Variants in GALNT13 observed in about 807,000 individuals in gnomAD.
The protein encoded by GALNT13 is UDP-GalNAc:polypeptide N-acetylgalactosaminyltransferase 13.
GALNT13 carries 28 observed loss-of-function variants against 64.2 expected under a neutral mutation model. The observed-to-expected ratio is 0.44, with a 90% CI of 0.32 to 0.60. The LOEUF (loss-of-function observed/expected upper bound fraction) is 0.60, where lower values mean the gene tolerates loss of function less well. GALNT13 is among the 20% of genes least tolerant of loss of function. The pLI is 0.05. For missense variants in GALNT13, 577 were observed against 669.8 expected (o/e 0.86, Z 1.53); for synonymous variants, 214 against 224.6 (o/e 0.95, Z 0.42).
intron 3 of GALNT13, among the ~76,000 whole-genome samples, chr2:153,971,977 A>G (rs1324125905): frequency 6.6e-6 from 1 of 152,112 alleles, no homozygotes; most frequent in Non-Finnish European, 1.5e-5. Context: ...GAGAGAATGC[A>G]AAGAAGTACA....
At chr2:154,067,467 A>G (rs1000760255) in intron 3 of GALNT13, among the ~76,000 whole-genome samples, 1 of 152,098 alleles carries the variant, frequency 6.6e-6, no homozygotes, top group Non-Finnish European at 1.5e-5. Context: ...AAGTAAAACT[A>G]AAAAAGAGCA....
At chr2:153,150,483 T>A in the GALNT13 span, among the ~76,000 whole-genome samples, 1 of 152,114 alleles carries the variant, frequency 6.6e-6, no homozygotes, top group Non-Finnish European at 1.5e-5. Flanking sequence ...TTTAATTAGA[T>A]CCCATTTGTC....
chr2:153,692,890 G>A, the GALNT13 span, among the ~76,000 whole-genome samples: 1 of 152,212 alleles, frequency 6.6e-6, no homozygotes, highest in East Asian at 1.9e-4. Context: ...AAACTCATGG[G>A]GTTGCTATTG....
At chr2:154,299,825 T>G (rs1437467815) in intron 8 of GALNT13, among the ~76,000 whole-genome samples, 1 of 152,032 alleles carries the variant, frequency 6.6e-6, no homozygotes, top group East Asian at 1.9e-4. Flanking sequence ...AAGGTTTCTA[T>G]TCTTCTCGTA....
chr2:153,504,168 G>T, the GALNT13 span, among the ~76,000 whole-genome samples: 2 of 152,144 alleles, frequency 1.3e-5, no homozygotes, highest in Non-Finnish European at 2.9e-5. Context: ...TTGAGTTCTT[G>T]ATTTGATTCT....
chr2:153,468,618 A>C, the GALNT13 span, among the ~76,000 whole-genome samples: 2 of 152,134 alleles, frequency 1.3e-5, no homozygotes, highest in African/African-American at 4.8e-5. Context: ...TAAATAATAC[A>C]TCTGATATTT....
the GALNT13 span, among the ~76,000 whole-genome samples, chr2:153,442,377 T>C: frequency 1.3e-5 from 2 of 152,232 alleles, no homozygotes; most frequent in African/African-American, 4.8e-5. Context: ...TTTGCATCGA[T>C]GTACATCAGG....
chr2:153,817,503 G>A, the GALNT13 span, among the ~76,000 whole-genome samples: 1 of 152,108 alleles, frequency 6.6e-6, no homozygotes. Flanking sequence ...TGTTAGGATG[G>A]TTTAGCCAGA....
chr2:153,460,881 T>C, the GALNT13 span, among the ~76,000 whole-genome samples: 3 of 152,088 alleles, frequency 2.0e-5, no homozygotes, highest in Admixed American at 1.3e-4. Context: ...CTTGTATGAA[T>C]TACACTTGAA....
At chr2:153,645,200 G>T in the GALNT13 span, among the ~76,000 whole-genome samples, 15 of 152,132 alleles carry the variant, frequency 9.9e-5, no homozygotes, top group African/African-American at 3.6e-4. Context: ...AATGCGCTCT[G>T]CTGAGCAAGA....
intron 9 of GALNT13, among the ~76,000 whole-genome samples, chr2:154,316,068 A>G (rs998057580): frequency 1.3e-5 from 2 of 152,194 alleles, no homozygotes; most frequent in Non-Finnish European, 2.9e-5. Flanking sequence ...AGCCTGGGTG[A>G]CAGAGTGAGA....
At chr2:154,025,808 CA>C (rs1388931308) in intron 3 of GALNT13, among the ~76,000 whole-genome samples, 2 of 152,104 alleles carry the variant, frequency 1.3e-5, no homozygotes, top group African/African-American at 2.4e-5. Context: ...TCAGGTCACT[CA>C]ATTCTTTGAG....
Position 154,001,959 on chromosome 2 carries a change from G to T in GALNT13, c.142+57320G>T, listed in dbSNP as rs74547823. On this transcript the variant is annotated intron_variant, in intron 3 of 12. Transcript: ENST00000392825. ...TCTTTGTTGAAAGGTTTTTTTGTGT[G>T]TGTGTTTTGTTCTAGCACTTCTAAA... is the stretch of plus-strand genomic sequence containing the variant. Among the ~76,000 whole-genome samples the T allele has an allele frequency of 8.5e-5, 13 of 152,060 alleles. No homozygotes were observed. The East Asian group carries it at 2.5e-3, about 29-fold the overall frequency.
At chr2:153,978,637 C>T (rs1325744342) in intron 3 of GALNT13, among the ~76,000 whole-genome samples, 1 of 152,218 alleles carries the variant, frequency 6.6e-6, no homozygotes, top group Admixed American at 6.5e-5. Flanking sequence ...TAAGAAGTGC[C>T]TTTTACCTCC....
At chr2:154,206,758 T>C (rs1687478595) in intron 4 of GALNT13, among the ~76,000 whole-genome samples, 1 of 150,292 alleles carries the variant, frequency 6.7e-6, no homozygotes, top group African/African-American at 2.5e-5. Flanking sequence ...CATTCCAGCC[T>C]GGGTGACAGA....
intron 3 of GALNT13, among the ~76,000 whole-genome samples, chr2:154,035,022 A>T (rs1208407756): frequency 1.3e-5 from 2 of 152,158 alleles, no homozygotes; most frequent in Non-Finnish European, 2.9e-5. Flanking sequence ...AGAGAACTAA[A>T]AATAGAACTA....
At chr2:153,632,822 A>C in the GALNT13 span, among the ~76,000 whole-genome samples, 1 of 151,966 alleles carries the variant, frequency 6.6e-6, no homozygotes, top group Non-Finnish European at 1.5e-5. Flanking sequence ...GGGCAATCTC[A>C]GCGCAATGCA....
chr2:153,764,794 G>A, the GALNT13 span, among the ~76,000 whole-genome samples: 1 of 152,188 alleles, frequency 6.6e-6, no homozygotes, highest in African/African-American at 2.4e-5. Flanking sequence ...GCTAGGCCCA[G>A]GGCCCCCTGC....
the GALNT13 span, among the ~76,000 whole-genome samples, chr2:153,852,727 C>G: frequency 6.6e-6 from 1 of 152,100 alleles, no homozygotes; most frequent in Non-Finnish European, 1.5e-5. Context: ...CTGAAGAAAA[C>G]AATGTGGCAG....
Sources: allele counts gnomAD v4.1 joint callset (sites outside exome capture counted in the v4.1 genomes callset), GRCh38; gene constraint gnomAD v4.1.1; transcripts MANE v1.5; gene names NCBI Gene and HGNC (gene_info 2026-07-23, HGNC 2026-07-21).